CCDC91: variants seen among roughly 807,000 people sequenced by gnomAD.
The protein encoded by CCDC91 is coiled-coil domain-containing protein 91.
A neutral mutation model predicts 63.2 loss-of-function variants in CCDC91; 48 were observed. The observed-to-expected ratio is 0.76, with a 90% CI of 0.60 to 0.97. The LOEUF is 0.97. CCDC91 is among the 50% of genes least tolerant of loss of function. CCDC91 has a pLI of 0.00. For synonymous variants in CCDC91, 167 were observed against 165.8 expected, an observed-to-expected ratio of 1.01 and a Z score of -0.06; for missense variants, 500 against 494.6, an observed-to-expected ratio of 1.01 and a Z score of -0.10.
At chr12:28,444,518 C>T (rs775893230) in intron 8 of CCDC91, among the ~76,000 whole-genome samples, 3 of 152,232 alleles carry the variant, frequency 2.0e-5, no homozygotes, top group Admixed American at 6.5e-5. Context: ...GACAAGATCA[C>T]GTGTTTGTGG....
intron 1 of CCDC91, among the ~76,000 whole-genome samples, chr12:28,253,126 C>T (rs1373453537): frequency 6.6e-6 from 1 of 152,068 alleles, no homozygotes; most frequent in African/African-American, 2.4e-5. Flanking sequence ...AAATTTTGTG[C>T]TTGTGGGTGG....
chr12:28,300,004 G>GT (rs1172300890), intron 3 of CCDC91, among the ~76,000 whole-genome samples: 6 of 150,608 alleles, frequency 4.0e-5, no homozygotes, highest in Admixed American at 1.3e-4. Flanking sequence ...ATACATATTA[G>GT]TTTTTTTTCT....
At chr12:28,501,814 C>T (rs568064482) in intron 12 of CCDC91, among the ~76,000 whole-genome samples, 2,058 of 151,482 alleles carry the variant, frequency 0.014, 45 homozygotes, top group African/African-American at 0.047. Flanking sequence ...TGGTAGAATT[C>T]GGCTGTGAAT....
At chr12:28,486,048 C>A (rs763160440) in intron 12 of CCDC91, among the ~76,000 whole-genome samples, 4 of 152,094 alleles carry the variant, frequency 2.6e-5, no homozygotes, top group Non-Finnish European at 4.4e-5. Context: ...TTATCATTGA[C>A]TATAGATGTA....
At chr12:28,249,202 T>C (rs1440164142) in intron 1 of CCDC91, among the ~76,000 whole-genome samples, 1 of 152,166 alleles carries the variant, frequency 6.6e-6, no homozygotes, top group African/African-American at 2.4e-5. Context: ...ACTGGGTGTG[T>C]TGGGCAGCAC....
chr12:28,335,240 TTATATAA>T (rs1278398787), intron 6 of CCDC91, among the ~76,000 whole-genome samples: 4 of 137,226 alleles, frequency 2.9e-5, no homozygotes, highest in East Asian at 4.0e-4. Flanking sequence ...CATAGTATAC[TTATATAA>T]TATATAATAC....
intron 6 of CCDC91, among the ~76,000 whole-genome samples, chr12:28,350,790 C>T (rs1360823190): frequency 6.6e-6 from 1 of 152,172 alleles, no homozygotes; most frequent in East Asian, 1.9e-4. Flanking sequence ...ATGACTGACT[C>T]CAATTTCTGC....
intron 8 of CCDC91, among the ~76,000 whole-genome samples, chr12:28,416,998 A>G (rs1283018290): frequency 1.3e-5 from 2 of 151,932 alleles, no homozygotes; most frequent in Non-Finnish European, 2.9e-5. Context: ...TTTTCTGTGT[A>G]TGTATATGGA....
chr12:28,235,804 T>G (rs1361000903), intron 1 of CCDC91, among the ~76,000 whole-genome samples: 1 of 152,034 alleles, frequency 6.6e-6, no homozygotes, highest in African/African-American at 2.4e-5. Context: ...TATAAGTATT[T>G]TTTTTTTTGG....
intron 3 of CCDC91, among the ~76,000 whole-genome samples, chr12:28,299,252 C>A (rs1272413770): frequency 6.6e-6 from 1 of 151,328 alleles, no homozygotes; most frequent in Non-Finnish European, 1.5e-5. Flanking sequence ...TCCCATATAT[C>A]CTTCATTCAT....
intron 12 of CCDC91, among the ~76,000 whole-genome samples, chr12:28,516,002 A>C: frequency 6.6e-6 from 1 of 151,974 alleles, no homozygotes; most frequent in East Asian, 1.9e-4. Context: ...TAATAAGTTC[A>C]CAGAAGTATT....
intron 6 of CCDC91, among the ~76,000 whole-genome samples, chr12:28,317,428 C>T (rs956595660): frequency 6.6e-6 from 1 of 151,892 alleles, no homozygotes; most frequent in African/African-American, 2.4e-5. Context: ...TTGCTGGGAC[C>T]TGGAGTTCTC....
chr12:28,298,698 C>T (rs1164001031), intron 3 of CCDC91, among the ~76,000 whole-genome samples: 2 of 148,936 alleles, frequency 1.3e-5, no homozygotes, highest in Non-Finnish European at 3.0e-5. Flanking sequence ...CACTGTCCTC[C>T]ATTTTATGTT....
chr12:28,371,861 C>T lies in CCDC91; in HGVS notation c.654+9346C>T, dbSNP rs1341086873. ...ATATCAAGTGGCATCACTACCTTTA[C>T]TGGCATGCTTTGTTTTTCACATAGA... On this transcript the variant is annotated intron_variant, in intron 7 of 12. Coordinates refer to ENST00000536442, the MANE Select transcript of CCDC91 (RefSeq NM_018318.5). Among the ~76,000 whole-genome samples, 7 of 152,334 alleles carry T rather than the reference C, an allele frequency of 4.6e-5. No homozygotes were observed. In the East Asian group the frequency reaches 1.4e-3, roughly 29 times the overall value.
chr12:28,225,457 C>CTTT (rs774145419), intron 1 of CCDC91, among the ~76,000 whole-genome samples: 6 of 148,596 alleles, frequency 4.0e-5, no homozygotes, highest in African/African-American at 1.5e-4. Context: ...CCACTACCCC[C>CTTT]TTTTTTTTTT....
intron 1 of CCDC91, among the ~76,000 whole-genome samples, chr12:28,196,029 T>G (rs1591938419): frequency 6.6e-6 from 1 of 152,168 alleles, no homozygotes; most frequent in Non-Finnish European, 1.5e-5. Context: ...TGATTGAGCC[T>G]GGGAGGTAGA....
chr12:28,296,534 C>G (rs774618127), intron 3 of CCDC91, among the ~76,000 whole-genome samples: 2 of 151,712 alleles, frequency 1.3e-5, no homozygotes, highest in Admixed American at 6.6e-5. Context: ...TCCATCTTGG[C>G]CTTTTAAAAG....
chr12:28,523,678 T>C (rs1271993135), intron 12 of CCDC91, among the ~76,000 whole-genome samples: 1 of 152,212 alleles, frequency 6.6e-6, no homozygotes, highest in African/African-American at 2.4e-5. Flanking sequence ...ATCGATGGTC[T>C]TTACAATTTG....
intron 12 of CCDC91, among the ~76,000 whole-genome samples, chr12:28,510,235 GCA>G: frequency 3.4e-5 from 5 of 148,030 alleles, no homozygotes; most frequent in Non-Finnish European, 7.5e-5. Context: ...AGTCAATAGG[GCA>G]TGTGTGTGTG....
Sources: allele counts gnomAD v4.1 joint callset (sites outside exome capture counted in the v4.1 genomes callset), GRCh38; gene constraint gnomAD v4.1.1; transcripts MANE v1.5; gene names NCBI Gene and HGNC (gene_info 2026-07-23, HGNC 2026-07-21).